The following FAM107A variants were observed in gnomAD, a reference collection of about 807,000 sequenced individuals.
The protein encoded by FAM107A is family with sequence similarity 107 member A, also known as actin-associated protein FAM107A.
Under a neutral mutation model 13.7 loss-of-function variants are expected in FAM107A, and 19 were observed. The observed-to-expected ratio is 1.38, with a 90% CI of 0.97 to 2.03. The LOEUF is 2.03. Ranked by LOEUF, FAM107A falls within the 30% of genes most tolerant of loss-of-function variation. FAM107A has a pLI of 0.00. For missense variants in FAM107A, 203 were observed against 184.4 expected, an observed-to-expected ratio of 1.10 and a Z score of -0.58; for synonymous variants, 82 against 74.5, an observed-to-expected ratio of 1.10 and a Z score of -0.52.
chr3:58,599,224 G>A (rs1486299100), intron 1 of FAM107A, among the ~76,000 whole-genome samples: 1 of 152,178 alleles, frequency 6.6e-6, no homozygotes, highest in Non-Finnish European at 1.5e-5. Context: ...TTATAGGCAT[G>A]AGCCATCGCA....
At chr3:58,608,121 T>A (rs1302083695) in intron 1 of FAM107A, among the ~76,000 whole-genome samples, 1 of 152,010 alleles carries the variant, frequency 6.6e-6, no homozygotes, top group East Asian at 1.9e-4. Flanking sequence ...CTTGCATGAG[T>A]CACATCACCA....
upstream of FAM107A, chr3:58,587,161 A>G: frequency 2.3e-6 from 3 of 1,325,112 alleles, no homozygotes; most frequent in East Asian, 3.1e-5. Flanking sequence ...GGTAGCAGGC[A>G]GGGCGCGGGT....
chr3:58,611,043 G>A (rs1186916096), intron 1 of FAM107A, among the ~76,000 whole-genome samples: 1 of 152,184 alleles, frequency 6.6e-6, no homozygotes, highest in Non-Finnish European at 1.5e-5. Flanking sequence ...GGTTTTATTA[G>A]GGACTTTTCT....
chr3:58,613,516 T>C lies in FAM107A; in HGVS notation c.-70+13900A>G, dbSNP rs564173998. Among the ~76,000 whole-genome samples, 94 of 152,324 alleles carry C rather than the reference T, an allele frequency of 6.2e-4. No homozygotes were observed. The highest frequency in any genetic ancestry group is 2.1e-3 in the African/African-American group (86 of 41,576). ...CCAGCCCCTGCCTGCTGCTCTGGCCTGACCAACTTGCTCTCAGTGCCCTGA... is the reference window on the plus strand; with the variant it reads ...CCAGCCCCTGCCTGCTGCTCTGGCCCGACCAACTTGCTCTCAGTGCCCTGA... On this transcript the variant is annotated intron_variant, in intron 1 of 3. Transcript: ENST00000465970. This position sits in a 1 kb window ranked among gnomAD's most constrained non-coding sequence, Gnocchi z 4.6.
rs1231386565 is a variant in FAM107A, at chr3:58,565,764, A to T, written c.*824T>A. On this transcript the variant is annotated 3_prime_UTR_variant, in exon 4 of 4. Transcript: ENST00000360997. ...GCACTCTCGCCCTGCTGCTCACAGCATGGTCCTCACACCAGCAGCCTCCGC... is the reference window on the plus strand; with the variant it reads ...GCACTCTCGCCCTGCTGCTCACAGCTTGGTCCTCACACCAGCAGCCTCCGC... 6.6e-6 allele frequency: 1 copy of T among 152,190 alleles called. No homozygotes were observed. Among genetic ancestry groups the T allele is most frequent in the African/African-American group, 2.4e-5 (1 of 41,414 alleles). 9.4% of individuals were successfully genotyped at this position (152,190 alleles called of 1,614,324 possible).
In FAM107A at chr3:58,565,435, A is replaced by ATTTTT. The variant is rs71625690; in HGVS notation, c.*1148_*1152dup. ...GACTAGGAAAAAGTAAAAAAAAAAA[A>ATTTTT]TTTTTTTTTTTTTTTTTTTTTTTTT... On this transcript the variant is annotated 3_prime_UTR_variant, in exon 4 of 4. Transcript: ENST00000360997. 36 of 82,288 alleles carry ATTTTT rather than the reference A, an allele frequency of 4.4e-4. No homozygotes were observed. The highest frequency in any genetic ancestry group is 5.5e-4 in the Non-Finnish European group (25 of 45,268). The allele number at this position is 82,288 out of a possible 1,614,324, so 5.1% of individuals were successfully genotyped here.
In FAM107A at chr3:58,604,719, G is replaced by A. The variant is rs1184267264; in HGVS notation, c.-69-15450C>T. ...CTGGCATTTGTTGGGCATCTACTAT[G>A]TGCTAAACACTGGACTAGGTGCTTC... On this transcript the variant is annotated intron_variant, in intron 1 of 3. Transcript: ENST00000465970. This position sits in a 1 kb window ranked among gnomAD's most constrained non-coding sequence, Gnocchi z 4.1. 6.6e-6 allele frequency among the ~76,000 whole-genome samples: 1 copy of A among 152,180 alleles called. No homozygotes were observed. The highest frequency in any genetic ancestry group is 1.9e-4 in the East Asian group (1 of 5,196).
upstream of FAM107A, among the ~76,000 whole-genome samples, chr3:58,591,389 TG>T (rs2065653513): frequency 6.6e-6 from 1 of 152,140 alleles, no homozygotes; most frequent in Admixed American, 6.5e-5. This position sits in a 1 kb window ranked among gnomAD's most constrained non-coding sequence, Gnocchi z 4.3. Flanking sequence ...GGTTCCGAGC[TG>T]GGCTGTGCCC....
chr3:58,586,859 C>T lies in FAM107A; in HGVS notation c.78G>A (p.Ser26=), dbSNP rs2065611369. 2.0e-6 allele frequency: 3 copies of T among 1,529,584 alleles called. No individual in the cohort carries two copies. In the South Asian group the frequency reaches 3.6e-5, roughly 18 times the overall value. 94.8% of individuals were successfully genotyped at this position (1,529,584 alleles called of 1,614,324 possible). The change falls in exon 1 of 4, where the codon TCG becomes TCA. Residue 26 remains serine (S), a splice_region_variant and synonymous_variant. Transcript: ENST00000447756. ...GAGGGTGGCGTTGCTCCCACTTACC[C>T]GACCGGAGCAGCACAGCCCGGTAGA...
chr3:58,570,401 G>C (rs1018396882), intron 1 of FAM107A: 1 of 984,228 alleles, frequency 1.0e-6, no homozygotes, highest in East Asian at 1.1e-4. Context: ...AGGAGAGCAT[G>C]AAATTCAGAG....
At chr3:58,580,905 G>A (rs1161068833), upstream of FAM107A, among the ~76,000 whole-genome samples, 1 of 152,202 alleles carries the variant, frequency 6.6e-6, no homozygotes, top group Non-Finnish European at 1.5e-5. Context: ...AATTAAAAAT[G>A]TGAGAAAGAG....
At chr3:58,588,534 T>C (rs146398998), upstream of FAM107A, among the ~76,000 whole-genome samples, 3 of 152,238 alleles carry the variant, frequency 2.0e-5, no homozygotes, top group East Asian at 1.9e-4. Context: ...GCCTCATTGA[T>C]TGGCCAGACT....
At chr3:58,599,578 G>A (rs1365685994) in intron 1 of FAM107A, among the ~76,000 whole-genome samples, 1 of 152,080 alleles carries the variant, frequency 6.6e-6, no homozygotes, top group Non-Finnish European at 1.5e-5. Flanking sequence ...GGATGGGAAG[G>A]GGCAGGAGGG....
At position 58,565,813 on chromosome 3, in the gene FAM107A, T is replaced by A. The variant is rs2063614521; in HGVS notation, c.*775A>T. On this transcript the variant is annotated 3_prime_UTR_variant, in exon 4 of 4. Transcript: ENST00000360997. ...GCCTTACCTGGGAGCTTGTTAGAAA[T>A]GCAGGATCTCCCAGATCTATTGAGT... 2 of 152,180 alleles carry A rather than the reference T, an allele frequency of 1.3e-5. No homozygotes were observed. The highest frequency in any genetic ancestry group is 4.8e-5 in the African/African-American group (2 of 41,416). The allele number at this position is 152,180 out of a possible 1,614,324, so 9.4% of individuals were successfully genotyped here. A position where few individuals can be genotyped will look rare whatever the true frequency, so the allele number is the denominator to read the frequency against.
At chr3:58,572,079 A>G (rs1230969640) in intron 1 of FAM107A, among the ~76,000 whole-genome samples, 1 of 152,244 alleles carries the variant, frequency 6.6e-6, no homozygotes, top group African/African-American at 2.4e-5. Flanking sequence ...AGAGTTCAAG[A>G]ATGTGGCCAG....
chr3:58,602,491 A>G (rs943165824), intron 1 of FAM107A, among the ~76,000 whole-genome samples: 2 of 152,198 alleles, frequency 1.3e-5, no homozygotes, highest in African/African-American at 4.8e-5. Flanking sequence ...TCACAAAGAT[A>G]TATGGTCAAG....
At chr3:58,605,605 C>T (rs907424236) in intron 1 of FAM107A, among the ~76,000 whole-genome samples, 2 of 152,176 alleles carry the variant, frequency 1.3e-5, no homozygotes, top group African/African-American at 4.8e-5. Flanking sequence ...ACCTATTGTC[C>T]ACTGCCTGAG....
At chr3:58,572,884 G>C (rs1410507454) in intron 1 of FAM107A, 2 of 152,142 alleles carry the variant, frequency 1.3e-5, no homozygotes, top group African/African-American at 2.4e-5. Flanking sequence ...GGCCCTGTTT[G>C]GTTTGACCTT....
chr3:58,600,440 A>G (rs1389183996), intron 1 of FAM107A, among the ~76,000 whole-genome samples: 1 of 152,208 alleles, frequency 6.6e-6, no homozygotes, highest in Non-Finnish European at 1.5e-5. Context: ...CCCCTGCAAC[A>G]GCCCAGTGTG....
Sources: allele counts gnomAD v4.1 joint callset (sites outside exome capture counted in the v4.1 genomes callset), GRCh38; gene constraint gnomAD v4.1.1; non-coding constraint Gnocchi (gnomAD v3.1); transcripts MANE v1.5; gene names NCBI Gene and HGNC (gene_info 2026-07-23, HGNC 2026-07-21).